The following VAPB variants were observed in gnomAD, a reference collection of about 807,000 sequenced individuals.
VAPB encodes the protein VAMP associated protein B and C, also known as vesicle-associated membrane protein-associated protein B/C.
VAPB carries 7 observed loss-of-function variants against 25.6 expected under a neutral mutation model. The ratio of observed to expected loss-of-function variants is 0.27; its 90% confidence interval spans 0.16 to 0.51. VAPB has a LOEUF of 0.51. Ranked by LOEUF, VAPB falls within the 20% of genes least tolerant of loss-of-function variation. The probability of loss-of-function intolerance (pLI) is 0.97; values close to 1 mark genes in which losing one functional copy is unlikely to be tolerated. For missense variants in VAPB, 266 were observed against 301.3 expected, an observed-to-expected ratio of 0.88 and a Z score of 0.87; for synonymous variants, 112 against 109.2, an observed-to-expected ratio of 1.03 and a Z score of -0.16.
chr20:58,391,184 G>T (rs901082949), intron 1 of VAPB, among the ~76,000 whole-genome samples: 7 of 152,112 alleles, frequency 4.6e-5, no homozygotes, highest in Non-Finnish European at 8.8e-5. Context: ...GGGTTCATTC[G>T]GTTAGTCCAC....
rs1309503591 is a variant in VAPB, at chr20:58,448,476, G to T, written c.*4241G>T. ...CTTAATCCTTGCAACTGTGACTGGG[G>T]GGTAGATGGCTCTGTTTGCATACGA... On this transcript the variant is annotated 3_prime_UTR_variant, in exon 6 of 6. Transcript: ENST00000475243. 1 of 453,926 alleles carries T rather than the reference G, an allele frequency of 2.2e-6. No homozygotes were observed. Among genetic ancestry groups the T allele is most frequent in the African/African-American group, 2.0e-5 (1 of 49,974 alleles). 28.1% of individuals were successfully genotyped at this position (453,926 alleles called of 1,614,324 possible).
chr20:58,397,519 CAAAAA>C (rs535438075), intron 1 of VAPB, among the ~76,000 whole-genome samples: 4 of 112,966 alleles, frequency 3.5e-5, no homozygotes, highest in African/African-American at 9.6e-5. Context: ...AACTCTGTCT[CAAAAA>C]AAAAAAAAAA....
intron 1 of VAPB, among the ~76,000 whole-genome samples, chr20:58,394,042 T>G (rs763443365): frequency 6.6e-6 from 1 of 152,240 alleles, no homozygotes; most frequent in Non-Finnish European, 1.5e-5. Context: ...GGTTAAGGTT[T>G]AAACATAACT....
chr20:58,437,841 GTA>G (rs1470537148), intron 3 of VAPB, among the ~76,000 whole-genome samples: 8 of 152,216 alleles, frequency 5.3e-5, no homozygotes, highest in African/African-American at 1.9e-4. Flanking sequence ...AGGGTCAGAT[GTA>G]TAGATTGCTT....
rs746467024 is a variant in VAPB at position 58,446,343 on chromosome 20, C to T, written c.*2108C>T. 15 of 454,142 alleles carry T rather than the reference C, an allele frequency of 3.3e-5. No homozygotes were observed. The highest frequency in any genetic ancestry group is 2.3e-4 in the South Asian group (15 of 64,478). The allele number at this position is 454,142 out of a possible 1,614,324, so 28.1% of individuals were successfully genotyped here. A position where few individuals can be genotyped will look rare whatever the true frequency, so the allele number is the denominator to read the frequency against. The stretch of plus-strand genomic sequence containing the variant: ...TGCAGCCAGTTAAGTCCTGTAGCTT[C>T]CAGGCCCTCATGTCTTTGATAGGAG... On this transcript the variant is annotated 3_prime_UTR_variant, in exon 6 of 6. Transcript: ENST00000475243.
rs1331094363 is a variant in VAPB at position 58,447,035 on chromosome 20, A to T, written c.*2800A>T. The T allele has an allele frequency of 6.6e-6, 3 of 453,896 alleles. No homozygotes were observed. The highest frequency in any genetic ancestry group is 1.4e-4 in the East Asian group (2 of 14,398). The allele number at this position is 453,896 out of a possible 1,614,324, so 28.1% of individuals were successfully genotyped here. A position where few individuals can be genotyped will look rare whatever the true frequency, so the allele number is the denominator to read the frequency against. On this transcript the variant is annotated 3_prime_UTR_variant, in exon 6 of 6. Transcript: ENST00000475243. ...CATGGAAAGAGCGAGCCTAGGGAGG[A>T]TGCCGCTGGGCAGTGTGCATGGGGG...
At chr20:58,422,684 A>G (rs1988693581) in intron 2 of VAPB, among the ~76,000 whole-genome samples, 1 of 151,936 alleles carries the variant, frequency 6.6e-6, no homozygotes, top group South Asian at 2.1e-4. Flanking sequence ...GCCAGCGGAT[A>G]CAGCAGGTGA....
At position 58,446,425 on chromosome 20, in the gene VAPB, G is replaced by T. The variant is rs763164167; in HGVS notation, c.*2190G>T. 2 of 454,118 alleles carry T rather than the reference G, an allele frequency of 4.4e-6. No individual in the cohort carries two copies. Among genetic ancestry groups the T allele is most frequent in the South Asian group, 3.1e-5 (2 of 64,480 alleles). 28.1% of individuals were successfully genotyped at this position (454,118 alleles called of 1,614,324 possible). ...GGTACAGTACAGTCCCATTACACTA[G>T]AGCAGGGCTCTATTTATTTTTAAAG... On this transcript the variant is annotated 3_prime_UTR_variant, in exon 6 of 6. Coordinates refer to ENST00000475243, the MANE Select transcript of VAPB (RefSeq NM_004738.5).
intron 2 of VAPB, among the ~76,000 whole-genome samples, chr20:58,421,341 G>A (rs1189701279): frequency 6.6e-6 from 1 of 152,150 alleles, no homozygotes; most frequent in Non-Finnish European, 1.5e-5. Flanking sequence ...TTTTGAAGAA[G>A]GTGGATTGCA....
intron 1 of VAPB, among the ~76,000 whole-genome samples, chr20:58,414,995 G>A (rs572359831): frequency 2.0e-5 from 3 of 152,392 alleles, no homozygotes; most frequent in Non-Finnish European, 2.9e-5. Flanking sequence ...GGCCGAGGCC[G>A]GCGGATCACT....
chr20:58,439,740 C>T (rs1989122016), intron 4 of VAPB: 1 of 152,664 alleles, frequency 6.6e-6, no homozygotes, highest in Non-Finnish European at 1.5e-5. Flanking sequence ...GAAGGAGCCC[C>T]ATCCTCTAGG....
At chr20:58,400,372 T>C (rs763933733) in intron 1 of VAPB, among the ~76,000 whole-genome samples, 2 of 152,220 alleles carry the variant, frequency 1.3e-5, no homozygotes, top group Non-Finnish European at 2.9e-5. Context: ...CAGCACCTAC[T>C]GGTACTTTGT....
chr20:58,421,999 A>G (rs1988679332), intron 2 of VAPB, among the ~76,000 whole-genome samples: 2 of 152,228 alleles, frequency 1.3e-5, no homozygotes, highest in Admixed American at 1.3e-4. Flanking sequence ...GGGTCCTTAA[A>G]AAAACTCCCT....
chr20:58,435,777 A>G (rs1989031318), intron 3 of VAPB, among the ~76,000 whole-genome samples: 1 of 152,206 alleles, frequency 6.6e-6, no homozygotes, highest in Admixed American at 6.5e-5. Flanking sequence ...CATAAGAACA[A>G]TTCTTATGAA....
intron 1 of VAPB, among the ~76,000 whole-genome samples, chr20:58,410,833 T>C (rs1194221328): frequency 1.3e-5 from 2 of 152,228 alleles, no homozygotes; most frequent in African/African-American, 2.4e-5. Context: ...CTCAGGAATA[T>C]GCATTTAAGG....
intron 1 of VAPB, among the ~76,000 whole-genome samples, chr20:58,394,293 T>TC (rs1371961600): frequency 6.6e-6 from 1 of 152,250 alleles, no homozygotes; most frequent in African/African-American, 2.4e-5. Context: ...GTTCAGCCCT[T>TC]CAAGTTGATG....
Position 58,448,288 on chromosome 20 carries a change from G to T in VAPB, c.*4053G>T. ...AGCTCTGAGATCATGCTGGCCCTAC[G>T]CGAATTGAGTTTCTGTGGCCTAATT... is the stretch of plus-strand genomic sequence containing the variant. On this transcript the variant is annotated 3_prime_UTR_variant, in exon 6 of 6. Coordinates refer to ENST00000475243, the MANE Select transcript of VAPB (RefSeq NM_004738.5). The T allele has an allele frequency of 2.2e-6, 1 of 453,674 alleles. No homozygotes were observed. The highest frequency in any genetic ancestry group is 4.4e-6 in the Non-Finnish European group (1 of 226,502). The allele number at this position is 453,674 out of a possible 1,614,324, so 28.1% of individuals were successfully genotyped here.
intron 4 of VAPB, chr20:58,439,649 G>A (rs148802197): frequency 6.4e-6 from 1 of 155,828 alleles, no homozygotes; most frequent in Non-Finnish European, 1.4e-5. Flanking sequence ...AATGTCTCCA[G>A]ATATTGCCAC....
intron 1 of VAPB, among the ~76,000 whole-genome samples, chr20:58,403,884 C>T (rs559405576): frequency 1.2e-4 from 19 of 152,270 alleles, no homozygotes; most frequent in Admixed American, 4.6e-4. Flanking sequence ...TGGGAATGGC[C>T]CTTGCACCAA....
Sources: allele counts gnomAD v4.1 joint callset (sites outside exome capture counted in the v4.1 genomes callset), GRCh38; gene constraint gnomAD v4.1.1; transcripts MANE v1.5; gene names NCBI Gene and HGNC (gene_info 2026-07-23, HGNC 2026-07-21).